SGMS1: variants seen among roughly 807,000 people sequenced by gnomAD.
SGMS1 encodes sphingomyelin synthase 1.
SGMS1 carries 13 observed loss-of-function variants against 46.2 expected under a neutral mutation model. The observed-to-expected ratio is 0.28, with a 90% CI of 0.18 to 0.45. SGMS1 has a LOEUF of 0.45. SGMS1 is among the 20% of genes least tolerant of loss of function. SGMS1 has a pLI of 1.00. For synonymous variants in SGMS1, 203 were observed against 187.8 expected (o/e 1.08, Z -0.66); for missense variants, 324 against 519.9 (o/e 0.62, Z 3.66).
chr10:50,441,393 G>C (rs1468246803), intron 5 of SGMS1, among the ~76,000 whole-genome samples: 2 of 151,922 alleles, frequency 1.3e-5, no homozygotes, highest in Non-Finnish European at 2.9e-5. Flanking sequence ...ATATCCATTG[G>C]TCCCAAAATT....
At chr10:50,405,042 AT>A (rs962911872) in intron 6 of SGMS1, among the ~76,000 whole-genome samples, 1 of 151,512 alleles carries the variant, frequency 6.6e-6, no homozygotes, top group Non-Finnish European at 1.5e-5. Context: ...CAAAATATGT[AT>A]TTTTTTTTCC....
At chr10:50,356,923 G>C (rs1205474494) in intron 6 of SGMS1, among the ~76,000 whole-genome samples, 3 of 151,972 alleles carry the variant, frequency 2.0e-5, no homozygotes, top group Admixed American at 6.6e-5. Context: ...ATTGTGGGGT[G>C]GGGGGAGTGG....
chr10:50,332,116 C>A (rs1589388796), intron 7 of SGMS1, among the ~76,000 whole-genome samples: 3 of 152,196 alleles, frequency 2.0e-5, no homozygotes, highest in Admixed American at 6.5e-5. Flanking sequence ...AAATCCAAAT[C>A]TTTTCCCAAG....
intron 3 of SGMS1, among the ~76,000 whole-genome samples, chr10:50,511,766 GCTTTTGGCTCTGGC>G (rs1837757608): frequency 1.3e-5 from 2 of 152,120 alleles, no homozygotes. Flanking sequence ...TCCATCACTG[GCTTTTGGCTCTGGC>G]ATGACCCTCT....
chr10:50,480,777 GC>G (rs1315916373), intron 3 of SGMS1, among the ~76,000 whole-genome samples: 1 of 152,124 alleles, frequency 6.6e-6, no homozygotes, highest in Non-Finnish European at 1.5e-5. Context: ...CTGTCGGGGG[GC>G]GGGGGCAGCC....
chr10:50,409,113 T>C (rs1377539291), intron 6 of SGMS1, among the ~76,000 whole-genome samples: 2 of 152,232 alleles, frequency 1.3e-5, no homozygotes, highest in East Asian at 3.8e-4. Context: ...TTTCTTTTTA[T>C]TTTATTGATA....
intron 2 of SGMS1, among the ~76,000 whole-genome samples, chr10:50,526,867 C>T (rs992020700): frequency 5.9e-5 from 9 of 151,864 alleles, no homozygotes; most frequent in Non-Finnish European, 1.3e-4. Context: ...GAGATCGAGA[C>T]CATCCTGGCC....
intron 9 of SGMS1, among the ~76,000 whole-genome samples, chr10:50,311,053 C>A (rs1165184426): frequency 1.3e-5 from 2 of 152,206 alleles, no homozygotes; most frequent in Non-Finnish European, 2.9e-5. Context: ...AGATGACACT[C>A]CAGGACACCT....
chr10:50,605,228 A>T (rs576295568), intron 1 of SGMS1, among the ~76,000 whole-genome samples: 4 of 152,318 alleles, frequency 2.6e-5, no homozygotes, highest in African/African-American at 9.6e-5. Context: ...TTGGGAAAAA[A>T]TACAAATTAA....
chr10:50,591,745 G>C (rs1168082997), intron 1 of SGMS1, among the ~76,000 whole-genome samples: 1 of 152,028 alleles, frequency 6.6e-6, no homozygotes, highest in Admixed American at 6.6e-5. Context: ...TTTATAAAAC[G>C]CAAAATACAC....
intron 2 of SGMS1, among the ~76,000 whole-genome samples, chr10:50,584,498 C>CAAAA (rs751224205): frequency 4.3e-5 from 3 of 69,544 alleles, no homozygotes. Flanking sequence ...GACTCCATCT[C>CAAAA]AAAAAAAAAA....
intron 6 of SGMS1, among the ~76,000 whole-genome samples, chr10:50,370,209 A>C (rs893800111): frequency 2.6e-5 from 4 of 152,108 alleles, no homozygotes; most frequent in African/African-American, 9.7e-5. Flanking sequence ...GGGTACACTG[A>C]ATTTATTTAA....
At chr10:50,606,718 A>G (rs967135281) in intron 1 of SGMS1, among the ~76,000 whole-genome samples, 3 of 152,202 alleles carry the variant, frequency 2.0e-5, no homozygotes, top group African/African-American at 7.2e-5. Context: ...CTGATGTATG[A>G]TCAATGATTG....
intron 3 of SGMS1, among the ~76,000 whole-genome samples, chr10:50,512,378 T>G (rs541391072): frequency 1.3e-5 from 2 of 152,126 alleles, no homozygotes; most frequent in African/African-American, 4.8e-5. Context: ...TTTGTTTATA[T>G]GGACATTTGC....
chr10:50,313,411 A>G (rs1465860147), intron 8 of SGMS1, among the ~76,000 whole-genome samples: 1 of 152,230 alleles, frequency 6.6e-6, no homozygotes. Context: ...CAAAGAGTTA[A>G]ATACCACAAG....
chr10:50,582,232 C>T (rs961809924), intron 2 of SGMS1, among the ~76,000 whole-genome samples: 1 of 152,128 alleles, frequency 6.6e-6, no homozygotes, highest in Admixed American at 6.5e-5. Context: ...GTAAATAATA[C>T]AAAGAAATCA....
intron 3 of SGMS1, among the ~76,000 whole-genome samples, chr10:50,505,448 C>T (rs1015514036): frequency 1.3e-5 from 2 of 152,174 alleles, no homozygotes; most frequent in Non-Finnish European, 2.9e-5. Flanking sequence ...TCCATCTTTT[C>T]CATTCTTCCT....
chr10:50,369,175 T>C (rs574640657), intron 6 of SGMS1, among the ~76,000 whole-genome samples: 1 of 152,352 alleles, frequency 6.6e-6, no homozygotes, highest in South Asian at 2.1e-4. Context: ...AGATATTTTC[T>C]TAAAAATCTG....
chr10:50,425,091 C>T (rs1849307673), intron 6 of SGMS1, among the ~76,000 whole-genome samples: 1 of 152,098 alleles, frequency 6.6e-6, no homozygotes, highest in African/African-American at 2.4e-5. Flanking sequence ...ACTAAAAAGT[C>T]AAAAAATAAT....
Sources: gnomAD v4.1 joint callset for allele counts (sites outside exome capture counted in the v4.1 genomes callset) on GRCh38, gnomAD v4.1.1 for gene constraint, MANE v1.5 for transcripts, NCBI Gene and HGNC (gene_info 2026-07-23, HGNC 2026-07-21) for gene names.